Variants in ZEB1 observed in about 807,000 individuals in gnomAD.
The protein encoded by ZEB1 is zinc finger E-box-binding homeobox 1.
Under a neutral mutation model 84.9 loss-of-function variants are expected in ZEB1, and 21 were observed. The ratio of observed to expected loss-of-function variants is 0.25; its 90% CI spans 0.18 to 0.36. ZEB1 has a LOEUF of 0.36. Ranked by LOEUF, ZEB1 falls within the 10% of genes least tolerant of loss-of-function variation. The pLI is 1.00. For synonymous variants in ZEB1, 420 were observed against 471.1 expected, an observed-to-expected ratio of 0.89 and a Z score of 1.41; for missense variants, 1,104 against 1,330.2, an observed-to-expected ratio of 0.83 and a Z score of 2.65.
intron 2 of ZEB1, among the ~76,000 whole-genome samples, chr10:31,475,563 A>G (rs1014551820): frequency 7.9e-5 from 12 of 152,208 alleles, no homozygotes; most frequent in African/African-American, 1.9e-4. Context: ...CAAATCACCT[A>G]TGAAGGAAGC....
At chr10:31,522,409 TAAAC>T (rs1249425827) in intron 7 of ZEB1, among the ~76,000 whole-genome samples, 1 of 152,198 alleles carries the variant, frequency 6.6e-6, no homozygotes, top group South Asian at 2.1e-4. Flanking sequence ...TTTAATTAAA[TAAAC>T]AGGAATGAAG....
intron 3 of ZEB1, among the ~76,000 whole-genome samples, chr10:31,500,502 T>C (rs1488464575): frequency 6.6e-6 from 1 of 152,154 alleles, no homozygotes; most frequent in Non-Finnish European, 1.5e-5. Flanking sequence ...TTATGCCTAA[T>C]AGAAATTCAT....
chr10:31,507,808 A>G (rs991032610), intron 4 of ZEB1, among the ~76,000 whole-genome samples: 1 of 151,696 alleles, frequency 6.6e-6, no homozygotes, highest in Non-Finnish European at 1.5e-5. Context: ...ATTTTTAATC[A>G]TTTTCCAGGA....
chr10:31,423,281 T>C (rs1397731227), intron 1 of ZEB1, among the ~76,000 whole-genome samples: 1 of 152,096 alleles, frequency 6.6e-6, no homozygotes, highest in African/African-American at 2.4e-5. Context: ...TGTCAGAAGA[T>C]ATTTAATTTA....
intron 1 of ZEB1, among the ~76,000 whole-genome samples, chr10:31,417,923 A>T (rs2055491599): frequency 6.6e-6 from 1 of 152,102 alleles, no homozygotes; most frequent in African/African-American, 2.4e-5. Flanking sequence ...AGGTTGACAG[A>T]CATCCCTAAT....
chr10:31,475,401 C>G (rs1481928928), intron 2 of ZEB1, among the ~76,000 whole-genome samples: 3 of 152,038 alleles, frequency 2.0e-5, no homozygotes, highest in Non-Finnish European at 2.9e-5. Flanking sequence ...GAAAATCACC[C>G]AATCTTCTAG....
Position 31,524,131 on chromosome 10 carries a change from AACAT to A in ZEB1, c.2785+20_2785+23del, listed in dbSNP as rs1345593726. Reference sequence around the variant, plus strand: ...ACACACAGGTATGTCAGTGAACACAAACATAAAGTGTCCATGATATGATATACTG... The same window carrying A: ...ACACACAGGTATGTCAGTGAACACAAAAAGTGTCCATGATATGATATACTG... On this transcript the variant is annotated intron_variant, in intron 8 of 8. Coordinates refer to ENST00000424869, the MANE Select transcript of ZEB1 (RefSeq NM_001174096.2). 6.2e-7 allele frequency: 1 copy of A among 1,611,306 alleles called. No individual in the cohort carries two copies. Among genetic ancestry groups the A allele is most frequent in the South Asian group, 1.1e-5 (1 of 90,934 alleles).
intron 2 of ZEB1, among the ~76,000 whole-genome samples, chr10:31,484,243 T>C (rs950953485): frequency 6.6e-6 from 1 of 151,988 alleles, no homozygotes; most frequent in African/African-American, 2.4e-5. Context: ...TTTAAAGTAA[T>C]ATAGTCACAG....
intron 1 of ZEB1, among the ~76,000 whole-genome samples, chr10:31,378,600 G>C (rs1447042582): frequency 2.6e-5 from 4 of 151,616 alleles, no homozygotes; most frequent in Non-Finnish European, 4.4e-5. Context: ...AAGAAGACAA[G>C]TTTATAAGAA....
intron 1 of ZEB1, among the ~76,000 whole-genome samples, chr10:31,362,235 T>TG (rs1274989898): frequency 8.0e-6 from 1 of 124,532 alleles, no homozygotes; most frequent in Admixed American, 7.8e-5. Flanking sequence ...ACTTCCCAGA[T>TG]GGGGTGGAGG....
At chr10:31,512,329 G>C (rs2070233245) in intron 5 of ZEB1, among the ~76,000 whole-genome samples, 2 of 152,154 alleles carry the variant, frequency 1.3e-5, no homozygotes, top group Non-Finnish European at 2.9e-5. Flanking sequence ...CAAAATCTTT[G>C]ATGAGCATGA....
At chr10:31,436,524 C>T (rs531809829) in intron 1 of ZEB1, among the ~76,000 whole-genome samples, 3 of 152,156 alleles carry the variant, frequency 2.0e-5, no homozygotes, top group Non-Finnish European at 2.9e-5. Context: ...TCCTGGTTAC[C>T]AGTACTAACT....
chr10:31,494,150 T>C (rs1386605630), intron 2 of ZEB1, among the ~76,000 whole-genome samples: 1 of 152,010 alleles, frequency 6.6e-6, no homozygotes, highest in African/African-American at 2.4e-5. Context: ...ATACTGTTTA[T>C]TATTTTAGTT....
In ZEB1 at chr10:31,459,100, A is replaced by G. The variant is rs957251068; in HGVS notation, c.59-1937A>G. 4.6e-5 allele frequency among the ~76,000 whole-genome samples: 7 copies of G among 152,232 alleles called. No individual in the cohort carries two copies. In the East Asian group the frequency reaches 1.3e-3, roughly 29 times the overall value. ...CCTATGTTTTAATATGATGTTGAAT[A>G]TCTCTTGTCATTTATTGAATACTGT... On this transcript the variant is annotated intron_variant, in intron 1 of 8. Coordinates refer to ENST00000424869, the MANE Select transcript of ZEB1 (RefSeq NM_001174096.2).
chr10:31,443,146 T>C (rs1176010140), intron 1 of ZEB1, among the ~76,000 whole-genome samples: 1 of 152,220 alleles, frequency 6.6e-6, no homozygotes, highest in Non-Finnish European at 1.5e-5. Flanking sequence ...AGGTTGAGCA[T>C]CTTTTTACAT....
At chr10:31,441,598 A>T (rs1007667177) in intron 1 of ZEB1, among the ~76,000 whole-genome samples, 16 of 152,234 alleles carry the variant, frequency 1.1e-4, no homozygotes, top group Non-Finnish European at 2.1e-4. Context: ...AGCAAAAGAA[A>T]CTACCATCAG....
chr10:31,367,225 G>A (rs140019600), intron 1 of ZEB1, among the ~76,000 whole-genome samples: 2 of 152,194 alleles, frequency 1.3e-5, no homozygotes, highest in African/African-American at 2.4e-5. Context: ...TTTGCTTCCC[G>A]TTACTGTATT....
intron 1 of ZEB1, among the ~76,000 whole-genome samples, chr10:31,402,522 C>T (rs1478681043): frequency 1.3e-5 from 2 of 152,072 alleles, no homozygotes; most frequent in Non-Finnish European, 2.9e-5. Flanking sequence ...TGATTAATTA[C>T]TGGTGGGGCC....
intron 1 of ZEB1, among the ~76,000 whole-genome samples, chr10:31,389,065 G>A (rs1480030550): frequency 2.0e-5 from 3 of 152,042 alleles, no homozygotes; most frequent in Non-Finnish European, 2.9e-5. Flanking sequence ...CCTAGAACTC[G>A]TGTTCTAATT....
Sources: gnomAD v4.1 joint callset for allele counts (sites outside exome capture counted in the v4.1 genomes callset) on GRCh38, gnomAD v4.1.1 for gene constraint, MANE v1.5 for transcripts, NCBI Gene and HGNC (gene_info 2026-07-23, HGNC 2026-07-21) for gene names.